Variants in PCBP3 observed in about 807,000 individuals in gnomAD.
The protein encoded by PCBP3 is poly(rC)-binding protein 3.
PCBP3 carries 25 observed loss-of-function variants against 52.7 expected under a neutral mutation model. The observed-to-expected ratio is 0.47, with a 90% confidence interval of 0.35 to 0.66. The LOEUF (loss-of-function observed/expected upper bound fraction) is 0.66. PCBP3 is among the 30% of genes least tolerant of loss of function. PCBP3 has a pLI of 0.01. For missense variants in PCBP3, 391 were observed against 490.3 expected, an observed-to-expected ratio of 0.80 and a Z score of 1.91; for synonymous variants, 162 against 183.0, an observed-to-expected ratio of 0.89 and a Z score of 0.93.
At chr21:45,845,229 G>C (rs1030926260) in intron 4 of PCBP3, among the ~76,000 whole-genome samples, 61 of 152,360 alleles carry the variant, frequency 4.0e-4, no homozygotes, top group African/African-American at 1.3e-3. Context: ...GTCTGAAGCG[G>C]TTTCCCTGAT....
At chr21:45,674,348 T>C (rs2081341863) in intron 2 of PCBP3, among the ~76,000 whole-genome samples, 1 of 152,228 alleles carries the variant, frequency 6.6e-6, no homozygotes, top group African/African-American at 2.4e-5. Context: ...CAGAGCACTA[T>C]ACTTTCGTTC....
At chr21:45,696,854 G>A (rs2082811201) in intron 2 of PCBP3, among the ~76,000 whole-genome samples, 2 of 151,016 alleles carry the variant, frequency 1.3e-5, no homozygotes. Flanking sequence ...CTTCACAAAA[G>A]GGGACATTGA....
intron 2 of PCBP3, among the ~76,000 whole-genome samples, chr21:45,731,825 T>G (rs1223265644): frequency 3.9e-5 from 6 of 152,140 alleles, no homozygotes; most frequent in Non-Finnish European, 8.8e-5. Context: ...ATTATGCCCT[T>G]ATCTCCTCAC....
intron 3 of PCBP3, among the ~76,000 whole-genome samples, chr21:45,743,854 C>G (rs2086629496): frequency 6.6e-6 from 1 of 151,950 alleles, no homozygotes. Flanking sequence ...GTTTTTCTAT[C>G]CTTTAAATAA....
At chr21:45,885,482 C>T (rs11702552) in intron 5 of PCBP3, among the ~76,000 whole-genome samples, 45,383 of 152,078 alleles carry the variant, frequency 0.3, 8,254 homozygotes, top group East Asian at 0.67. Context: ...CCTTTATCCC[C>T]ATCCCCTTTG....
At chr21:45,767,287 T>C (rs570706403) in intron 4 of PCBP3, among the ~76,000 whole-genome samples, 59 of 152,322 alleles carry the variant, frequency 3.9e-4, no homozygotes, top group Non-Finnish European at 6.5e-4. Context: ...GCTGGGTATT[T>C]AATATAAATG....
rs759348567 is a variant in PCBP3, at chr21:45,900,596, A to G, written c.195A>G (p.Gly65=). ...KEVGSIIGKK[G]ETVKKMREES... ...TGTCTAAATCTTTATTCCAGAAAGG[A>G]GAAACTGTGAAGAAGATGCGTGAGG... Residue 65 remains glycine (G), a synonymous_variant, in exon 8 of 18, where the codon GGA becomes GGG. Coordinates refer to ENST00000681687, the MANE Select transcript of PCBP3 (RefSeq NM_001384156.1). 9 of 1,609,140 alleles carry G rather than the reference A, an allele frequency of 5.6e-6. No individual in the cohort carries two copies. In the South Asian group the frequency reaches 9.9e-5, roughly 18 times the overall value.
chr21:45,766,558 A>C (rs1345020235), intron 4 of PCBP3, among the ~76,000 whole-genome samples: 1 of 152,230 alleles, frequency 6.6e-6, no homozygotes, highest in Non-Finnish European at 1.5e-5. Context: ...GCTTCCGTGG[A>C]AGCCCCCAGT....
At chr21:45,780,818 G>A (rs907606842) in intron 4 of PCBP3, among the ~76,000 whole-genome samples, 21 of 152,170 alleles carry the variant, frequency 1.4e-4, no homozygotes, top group Admixed American at 1.1e-3. Flanking sequence ...GCCAGGGACC[G>A]ATGCGCCAAC....
In PCBP3 at chr21:45,827,472, G is replaced by A. The variant is rs1050128676; in HGVS notation, c.-125-22489G>A. On this transcript the variant is annotated intron_variant, in intron 4 of 17. Transcript: ENST00000681687. The surrounding 1 kb of genome is among the most constrained non-coding windows in gnomAD (Gnocchi z 4.3). ...CCAACACCCAGATGACATGGGCACC[G>A]AAGTTACCCAACAGGGCTTTTAAAA... 9.9e-5 allele frequency among the ~76,000 whole-genome samples: 15 copies of A among 152,154 alleles called. No individual in the cohort carries two copies. The highest frequency in any genetic ancestry group is 4.2e-4 in the South Asian group (2 of 4,810).
intron 4 of PCBP3, among the ~76,000 whole-genome samples, chr21:45,799,849 A>C (rs1216497983): frequency 1.3e-5 from 2 of 152,218 alleles, no homozygotes; most frequent in East Asian, 3.9e-4. Flanking sequence ...ATTAAAAAAT[A>C]ATGAGCTGAG....
chr21:45,818,277 T>TC (rs2093027998), intron 4 of PCBP3, among the ~76,000 whole-genome samples: 1 of 152,154 alleles, frequency 6.6e-6, no homozygotes, highest in South Asian at 2.1e-4. Flanking sequence ...CGCCTCGGCC[T>TC]CCTAAAGTGC....
At chr21:45,918,928 A>C (rs1008782968) in intron 13 of PCBP3, 4 of 153,244 alleles carry the variant, frequency 2.6e-5, no homozygotes, top group Non-Finnish European at 5.9e-5. Flanking sequence ...CCAGTGCTGG[A>C]GGAAGAAGAT....
chr21:45,893,823 G>T, intron 5 of PCBP3: 1 of 985,438 alleles, frequency 1.0e-6, no homozygotes, highest in Non-Finnish European at 1.2e-6. Context: ...TCTGAGAAAC[G>T]GCCAGTCCCA....
At chr21:45,890,523 T>G (rs180705698) in intron 5 of PCBP3, among the ~76,000 whole-genome samples, 113 of 148,498 alleles carry the variant, frequency 7.6e-4, no homozygotes, top group South Asian at 1.3e-3. Context: ...CTGAGGGGAA[T>G]GTAGATAACA....
intron 2 of PCBP3, among the ~76,000 whole-genome samples, chr21:45,713,135 T>C (rs2083962542): frequency 6.6e-6 from 1 of 152,206 alleles, no homozygotes; most frequent in South Asian, 2.1e-4. Flanking sequence ...AAATGTATTA[T>C]CTAGACTTTA....
At chr21:45,869,912 G>A (rs749686561) in intron 5 of PCBP3, among the ~76,000 whole-genome samples, 2 of 152,260 alleles carry the variant, frequency 1.3e-5, no homozygotes, top group Non-Finnish European at 2.9e-5. Context: ...AACCAGTGGT[G>A]CCTGGCCCAA....
chr21:45,719,959 A>G (rs1256070029), intron 2 of PCBP3, among the ~76,000 whole-genome samples: 2 of 152,136 alleles, frequency 1.3e-5, no homozygotes, highest in Non-Finnish European at 1.5e-5. Flanking sequence ...GCACCTCCAG[A>G]TGACTTGCCA....
intron 4 of PCBP3, among the ~76,000 whole-genome samples, chr21:45,766,059 C>A (rs1414168272): frequency 6.6e-6 from 1 of 152,198 alleles, no homozygotes; most frequent in African/African-American, 2.4e-5. Flanking sequence ...CTCCCATGGT[C>A]TTGTCTCCTG....
Sources: allele counts gnomAD v4.1 joint callset (sites outside exome capture counted in the v4.1 genomes callset), GRCh38; gene constraint gnomAD v4.1.1; non-coding constraint Gnocchi (gnomAD v3.1); transcripts MANE v1.5; gene names NCBI Gene and HGNC (gene_info 2026-07-23, HGNC 2026-07-21).